Variants in STAB2 observed in about 807,000 individuals in gnomAD.
STAB2 encodes stabilin-2.
Under a neutral mutation model 338.1 loss-of-function variants are expected in STAB2, and 288 were observed. The observed-to-expected ratio is 0.85, with a 90% confidence interval of 0.77 to 0.94. The LOEUF is 0.94. Among genes scored for constraint, STAB2 ranks in the 40% least tolerant of loss-of-function variants. STAB2 has a pLI of 0.00. For missense variants in STAB2, 3,141 were observed against 3,210.1 expected (o/e 0.98, Z 0.52); for synonymous variants, 1,202 against 1,193.3 (o/e 1.01, Z -0.15).
At chr12:103,705,884 C>G (rs1879306287) in intron 37 of STAB2, among the ~76,000 whole-genome samples, 157 bp downstream of exon 37, 1 of 152,128 alleles carries the variant, frequency 6.6e-6, no homozygotes, top group African/African-American at 2.4e-5. Context: ...GTAGTGGTAG[C>G]AGTAAAGCTC....
intron 20 of STAB2, 21 bp downstream of exon 20, chr12:103,668,750 G>T (rs1875416507): frequency 6.5e-6 from 10 of 1,528,378 alleles, no homozygotes; most frequent in Non-Finnish European, 8.8e-6. Flanking sequence ...CGTGGCCGAG[G>T]CCCAGTCTAG....
intron 59 of STAB2, among the ~76,000 whole-genome samples, chr12:103,749,453 A>C (rs1457617370): frequency 6.6e-6 from 1 of 152,102 alleles, no homozygotes; most frequent in African/African-American, 2.4e-5. Flanking sequence ...ACATCAGGGG[A>C]AAGTGGGTAG....
chr12:103,674,142 A>T, intron 23 of STAB2, 55 bp downstream of exon 23: 1 of 1,549,830 alleles, frequency 6.5e-7, no homozygotes, highest in South Asian at 1.2e-5. Context: ...GTGTAAGGGG[A>T]TGGCACTTAA....
intron 18 of STAB2, among the ~76,000 whole-genome samples, chr12:103,665,544 G>A (rs1011226772): frequency 3.3e-5 from 5 of 152,170 alleles, no homozygotes; most frequent in South Asian, 2.1e-4. Flanking sequence ...CCCAGTGAGA[G>A]CAGGAAGCGT....
intron 22 of STAB2, among the ~76,000 whole-genome samples, chr12:103,672,436 T>G (rs1163103483): frequency 6.6e-6 from 1 of 152,226 alleles, no homozygotes; most frequent in Non-Finnish European, 1.5e-5. Flanking sequence ...GGGCTACGGC[T>G]GTGCACAGTC....
At position 103,587,473 on chromosome 12, in the gene STAB2, C is replaced by T. The variant is rs1455135756; in HGVS notation, c.-4C>T. ...TGGCACAGAGAAGGAGCAAATATTT[C>T]CTCATGATGCTACAACATTTAGTAA... On this transcript the variant is annotated 5_prime_UTR_variant, in exon 1 of 69. Coordinates refer to ENST00000388887, the MANE Select transcript of STAB2 (RefSeq NM_017564.10). 7 of 1,612,662 alleles carry T rather than the reference C, an allele frequency of 4.3e-6. No individual in the cohort carries two copies. Among genetic ancestry groups the T allele is most frequent in the African/African-American group, 1.3e-5 (1 of 74,892 alleles).
chr12:103,708,415 G>A (rs769555630), intron 38 of STAB2, 26 bp from the exon 39 acceptor site: 71 of 1,610,088 alleles, frequency 4.4e-5, no homozygotes, highest in Middle Eastern at 1.6e-4. Flanking sequence ...AGAATCTGAC[G>A]ATTTGCAGGT....
chr12:103,663,138 G>A (rs1234634017), intron 18 of STAB2, 140 bp downstream of exon 18: 1 of 1,061,320 alleles, frequency 9.4e-7, no homozygotes, highest in African/African-American at 1.6e-5. Context: ...CCGTCTTCAT[G>A]AAGATGCAGG....
At chr12:103,623,246 G>A (rs1957330451) in intron 5 of STAB2, among the ~76,000 whole-genome samples, 1 of 152,190 alleles carries the variant, frequency 6.6e-6, no homozygotes, top group South Asian at 2.1e-4. Context: ...CATCTCACCT[G>A]AGGGGAAAGG....
chr12:103,750,729 G>T lies in STAB2; in HGVS notation c.6580+9G>T, dbSNP rs369809587. 1.2e-6 allele frequency: 2 copies of T among 1,608,380 alleles called. No individual in the cohort carries two copies. Among genetic ancestry groups the T allele is most frequent in the Non-Finnish European group, 1.7e-6 (2 of 1,175,564 alleles). ...CGACCTCCACTTCCAGGGTTAGTGT[G>T]ACCAGGGCCTATGGCCCAAAGCACC... On this transcript the variant is annotated intron_variant, in intron 60 of 68. Coordinates refer to ENST00000388887, the MANE Select transcript of STAB2 (RefSeq NM_017564.10).
intron 3 of STAB2, among the ~76,000 whole-genome samples, chr12:103,619,665 C>T (rs896315126): frequency 1.3e-4 from 20 of 152,058 alleles, no homozygotes; most frequent in East Asian, 7.7e-4. Context: ...AATCAGCTTC[C>T]GAATAAAATC....
In STAB2 at chr12:103,708,541, G is replaced by A; in HGVS notation, c.4288+5G>A. 1 of 1,613,696 alleles carries A rather than the reference G, an allele frequency of 6.2e-7. No individual in the cohort carries two copies. The highest frequency in any genetic ancestry group is 8.5e-7 in the Non-Finnish European group (1 of 1,179,618). On this transcript the variant is annotated splice_donor_5th_base_variant and intron_variant, in intron 39 of 68. Coordinates refer to ENST00000388887, the MANE Select transcript of STAB2 (RefSeq NM_017564.10). ...GAGGAGTGCATTGTGACAATGGTAA[G>A]AGTGAGGCCTCCAGTATTTATAATC...
rs1479734579 is a variant in STAB2, at chr12:103,708,425, T to C, written c.4193-16T>C. ...GGGTTAGAATCTGACGATTTGCAGG[T>C]GATTTTCCCACTTAGCATGTTCTTG... On this transcript the variant is annotated splice_polypyrimidine_tract_variant and intron_variant, in intron 38 of 68. Coordinates refer to ENST00000388887, the MANE Select transcript of STAB2 (RefSeq NM_017564.10). 1 of 1,613,004 alleles carries C rather than the reference T, an allele frequency of 6.2e-7. No homozygotes were observed. The highest frequency in any genetic ancestry group is 8.5e-7 in the Non-Finnish European group (1 of 1,179,172).
At chr12:103,706,480 A>G (rs1040786088) in intron 37 of STAB2, among the ~76,000 whole-genome samples, 2 of 152,134 alleles carry the variant, frequency 1.3e-5, no homozygotes, top group Non-Finnish European at 2.9e-5. Context: ...CCAGCATCAC[A>G]GGCATTATTC....
rs553029808 is a variant in STAB2, at chr12:103,733,728, CAT to C, written c.5460+550_5460+551del. Among the ~76,000 whole-genome samples, 1,022 of 152,106 alleles carry C rather than the reference CAT, an allele frequency of 6.7e-3. 3 individuals carry two copies. The highest frequency in any genetic ancestry group is 0.012 in the Admixed American group (178 of 15,282). On this transcript the variant is annotated intron_variant, in intron 51 of 68. Transcript: ENST00000388887. ...AGCATGATATAGGAGCAAGCACAAT[CAT>C]ATAGGAATAAGCATGATCATATAGG...
rs746960414 is a variant in STAB2 at position 103,648,685 on chromosome 12, T to C, written c.1041-5T>C. ...CCTGAGGATGTCTTTTCCCCCTCTC[T>C]GTAGATGCATTTGCCAGAAAGGTTA... On this transcript the variant is annotated splice_region_variant and splice_polypyrimidine_tract_variant and intron_variant, in intron 9 of 68. Coordinates refer to ENST00000388887, the MANE Select transcript of STAB2 (RefSeq NM_017564.10). The C allele has an allele frequency of 5.6e-6, 9 of 1,613,582 alleles. No individual in the cohort carries two copies. In the Admixed American group the frequency reaches 1.3e-4, roughly 24 times the overall value.
At chr12:103,709,766 G>A (rs1879681830) in intron 39 of STAB2, among the ~76,000 whole-genome samples, 1 of 152,212 alleles carries the variant, frequency 6.6e-6, no homozygotes. Context: ...CAAATGTCAG[G>A]GTACAGAGCC....
chr12:103,702,194 C>T (rs967019010), intron 34 of STAB2, among the ~76,000 whole-genome samples: 27 of 150,734 alleles, frequency 1.8e-4, no homozygotes, highest in African/African-American at 4.9e-4. Flanking sequence ...TTTGACTTGG[C>T]GGCATTTAGA....
intron 6 of STAB2, among the ~76,000 whole-genome samples, chr12:103,632,986 G>A (rs1399506188): frequency 1.3e-5 from 2 of 152,240 alleles, no homozygotes; most frequent in Non-Finnish European, 2.9e-5. Context: ...TATTGGAAGC[G>A]GTTGAGATGC....
Sources: allele counts gnomAD v4.1 joint callset (sites outside exome capture counted in the v4.1 genomes callset), GRCh38; gene constraint gnomAD v4.1.1; transcripts MANE v1.5; gene names NCBI Gene and HGNC (gene_info 2026-07-23, HGNC 2026-07-21).